Variants in AMMECR1 observed in about 807,000 individuals in gnomAD.
The protein encoded by AMMECR1 is nuclear protein AMMECR1.
Under a neutral mutation model 22.5 loss-of-function variants are expected in AMMECR1, and 3 were observed. The ratio of observed to expected loss-of-function variants is 0.13; its 90% confidence interval spans 0.06 to 0.35. The LOEUF (loss-of-function observed/expected upper bound fraction) is 0.35. Among genes scored for constraint, AMMECR1 ranks in the 10% least tolerant of loss-of-function variants. The pLI is 1.00. For missense variants in AMMECR1, 235 were observed against 278.7 expected, an observed-to-expected ratio of 0.84 and a Z score of 1.12; for synonymous variants, 130 against 116.7, an observed-to-expected ratio of 1.11 and a Z score of -0.74.
chrX:110,386,201 C>A (rs1248588940), intron 2 of AMMECR1, among the ~76,000 whole-genome samples: 1 of 110,745 alleles, frequency 9.0e-6, no homozygotes, highest in African/African-American at 3.3e-5. Flanking sequence ...TTTGAGGAAC[C>A]ACCAAACTAT....
intron 1 of AMMECR1, among the ~76,000 whole-genome samples, chrX:110,265,503 G>A (rs989698932): frequency 2.7e-5 from 3 of 111,942 alleles, no homozygotes; most frequent in Non-Finnish European, 5.6e-5. Context: ...GTTTAATACA[G>A]TAGATGCTTG....
chrX:110,309,390 G>A (rs780441870), intron 1 of AMMECR1: 32 of 112,001 alleles, frequency 2.9e-4, no homozygotes, highest in African/African-American at 1.0e-3. Context: ...ATATCGAATG[G>A]CAAGGTGAAC....
At chrX:110,437,297 G>A (rs1295953247) in intron 1 of AMMECR1, among the ~76,000 whole-genome samples, 1 of 112,237 alleles carries the variant, frequency 8.9e-6, no homozygotes, top group Admixed American at 9.4e-5. Flanking sequence ...TAAGCAGAGA[G>A]CCAGGAGTGT....
At chrX:110,392,333 T>C (rs1264039095) in intron 2 of AMMECR1, among the ~76,000 whole-genome samples, 1 of 104,501 alleles carries the variant, frequency 9.6e-6, no homozygotes, top group East Asian at 3.0e-4. Flanking sequence ...CTGTGTGCAA[T>C]GGTGTAATCA....
chrX:110,404,469 G>T (rs1278506435), intron 2 of AMMECR1, among the ~76,000 whole-genome samples: 1 of 111,945 alleles, frequency 8.9e-6, no homozygotes, highest in Non-Finnish European at 1.9e-5. Flanking sequence ...AACTCCAGGG[G>T]CATGAACAAC....
rs183516321 is a variant in AMMECR1, at chrX:110,330,694, G to A, written c.-147-12845C>T. The stretch of plus-strand genomic sequence containing the variant: ...CCTGATCCTTCACCACAGGTAGTTT[G>A]AGAAATATTGGACTAAAACCCATCT... On this transcript the variant is annotated intron_variant, in intron 2 of 7. Coordinates refer to the AMMECR1 transcript ENST00000372057. Among the ~76,000 whole-genome samples the A allele has an allele frequency of 2.5e-3, 282 of 111,487 alleles. 1 individual carries two copies. Among genetic ancestry groups the A allele is most frequent in the Middle Eastern group, 9.2e-3 (2 of 217 alleles).
chrX:110,287,139 G>C (rs2067884503), intron 1 of AMMECR1, among the ~76,000 whole-genome samples: 1 of 112,009 alleles, frequency 8.9e-6, no homozygotes, highest in Non-Finnish European at 1.9e-5. Context: ...CAGAATTCAA[G>C]AGTAGGGTGT....
intron 2 of AMMECR1, among the ~76,000 whole-genome samples, chrX:110,257,407 CCT>C (rs1160484564): frequency 8.9e-6 from 1 of 112,102 alleles, no homozygotes; most frequent in African/African-American, 3.2e-5. Context: ...TGGTAAACTC[CCT>C]GTGTATGTGT....
intron 2 of AMMECR1, among the ~76,000 whole-genome samples, chrX:110,330,239 A>AT (rs2068115383): frequency 8.9e-6 from 1 of 111,791 alleles, no homozygotes; most frequent in Admixed American, 9.5e-5. Context: ...CTACTTCACG[A>AT]CAAAAAAAAC....
At chrX:110,433,010 C>T (rs1275605827) in intron 1 of AMMECR1, among the ~76,000 whole-genome samples, 1 of 112,671 alleles carries the variant, frequency 8.9e-6, no homozygotes, top group Non-Finnish European at 1.9e-5. Flanking sequence ...AGTCCTCGAC[C>T]TCCTGGCCTG....
At chrX:110,242,185 G>A (rs1284183794) in intron 2 of AMMECR1, among the ~76,000 whole-genome samples, 4 of 111,631 alleles carry the variant, frequency 3.6e-5, no homozygotes, top group Non-Finnish European at 7.5e-5. Flanking sequence ...TTGGTTTGAG[G>A]TGATAAGACT....
chrX:110,374,296 A>G (rs1010258601), intron 2 of AMMECR1, among the ~76,000 whole-genome samples: 1 of 110,419 alleles, frequency 9.1e-6, no homozygotes, highest in African/African-American at 3.4e-5. Context: ...TGTAGAATAG[A>G]TTCCTAAAAT....
chrX:110,231,990 A>G (rs943760999), intron 2 of AMMECR1, among the ~76,000 whole-genome samples: 5 of 111,795 alleles, frequency 4.5e-5, no homozygotes, highest in African/African-American at 1.6e-4. Flanking sequence ...TATGCACCCA[A>G]TACAGGAGCA....
chrX:110,279,534 G>A (rs2067842187), intron 1 of AMMECR1, among the ~76,000 whole-genome samples: 1 of 111,403 alleles, frequency 9.0e-6, no homozygotes, highest in South Asian at 3.8e-4. Flanking sequence ...AATCTTTCTG[G>A]GAGTATCAGT....
chrX:110,388,669 C>A lies in AMMECR1; in HGVS notation c.-148+37989G>T, dbSNP rs776514791. Among the ~76,000 whole-genome samples the A allele has an allele frequency of 4.4e-5, 5 of 112,472 alleles. No individual in the cohort carries two copies. The South Asian group carries it at 1.9e-3, about 42-fold the overall frequency. On this transcript the variant is annotated intron_variant, in intron 2 of 7. Coordinates refer to the AMMECR1 transcript ENST00000372057. ...TTAAAACACAGATTGCTATATCCCACCCCTGAGTTTCTGGTTCAGTAGGTC... is the reference window on the plus strand; with the variant it reads ...TTAAAACACAGATTGCTATATCCCAACCCTGAGTTTCTGGTTCAGTAGGTC...
intron 3 of AMMECR1, among the ~76,000 whole-genome samples, chrX:110,208,272 C>A (rs1463224699): frequency 1.8e-5 from 2 of 112,322 alleles, no homozygotes; most frequent in Admixed American, 1.9e-4. Flanking sequence ...AAAGTCATCA[C>A]CTGAGCATGA....
At chrX:110,323,189 C>G (rs776979056) in intron 2 of AMMECR1, among the ~76,000 whole-genome samples, 5 of 112,523 alleles carry the variant, frequency 4.4e-5, no homozygotes, top group Non-Finnish European at 9.4e-5. Flanking sequence ...ATGCTACACT[C>G]TGCTCTGTGT....
chrX:110,335,003 G>T (rs1313939658), intron 2 of AMMECR1, among the ~76,000 whole-genome samples: 1 of 111,974 alleles, frequency 8.9e-6, no homozygotes, highest in African/African-American at 3.2e-5. Flanking sequence ...CACTGACTCT[G>T]GATGGTGACT....
chrX:110,425,996 AC>A, intron 2 of AMMECR1, among the ~76,000 whole-genome samples: 2 of 112,064 alleles, frequency 1.8e-5, no homozygotes, highest in African/African-American at 6.5e-5. Flanking sequence ...ACACACACAC[AC>A]AAACGCACAC....
Sources: allele counts gnomAD v4.1 joint callset (sites outside exome capture counted in the v4.1 genomes callset), GRCh38; gene constraint gnomAD v4.1.1; transcripts MANE v1.5; gene names NCBI Gene and HGNC (gene_info 2026-07-23, HGNC 2026-07-21).